The following TRAK1 variants were observed in gnomAD, a reference collection of about 807,000 sequenced individuals.
TRAK1 encodes the protein trafficking kinesin protein 1.
A neutral mutation model predicts 92.1 loss-of-function variants in TRAK1; 33 were observed. The ratio of observed to expected loss-of-function variants is 0.36; its 90% confidence interval spans 0.27 to 0.48. TRAK1 has a LOEUF of 0.48. TRAK1 is among the 20% of genes least tolerant of loss of function. The pLI, the probability that TRAK1 is intolerant of heterozygous loss-of-function variation, is 0.99. For synonymous variants in TRAK1, 521 were observed against 517.3 expected, an observed-to-expected ratio of 1.01 and a Z score of -0.10; for missense variants, 1,123 against 1,257.9, an observed-to-expected ratio of 0.89 and a Z score of 1.62.
Position 42,182,951 on chromosome 3 carries a change from A to T in TRAK1, c.364-1734A>T, listed in dbSNP as rs181866229. ...CACCTTTACTCTACCTTCATTTAAC[A>T]GTTGAGGGAACCTATGTTCAAGTAG... On this transcript the variant is annotated intron_variant, in intron 3 of 15. Coordinates refer to ENST00000327628, the MANE Select transcript of TRAK1 (RefSeq NM_001042646.3). Among the ~76,000 whole-genome samples, 4 of 152,288 alleles carry T rather than the reference A, an allele frequency of 2.6e-5. No homozygotes were observed. The East Asian group carries it at 7.7e-4, about 29-fold the overall frequency.
chr3:42,055,695 T>A (rs1186601664), intron 1 of TRAK1, among the ~76,000 whole-genome samples: 2 of 152,164 alleles, frequency 1.3e-5, no homozygotes, highest in African/African-American at 4.8e-5. Context: ...AACTCCTGGC[T>A]TCAAGCGATC....
At chr3:42,200,790 A>G (rs1300353909) in intron 11 of TRAK1, 28 bp from the exon 12 acceptor site, 1 of 1,611,014 alleles carries the variant, frequency 6.2e-7, no homozygotes, top group African/African-American at 1.3e-5. Flanking sequence ...GCATTTGCTC[A>G]CTCACGGATG....
chr3:42,056,122 GT>G (rs1703196448), intron 1 of TRAK1, among the ~76,000 whole-genome samples: 1 of 152,068 alleles, frequency 6.6e-6, no homozygotes, highest in African/African-American at 2.4e-5. Context: ...TTTGGCTATT[GT>G]GAATAATGTT....
At chr3:42,046,924 T>C (rs2148908710) in intron 1 of TRAK1, among the ~76,000 whole-genome samples, 1 of 152,332 alleles carries the variant, frequency 6.6e-6, no homozygotes, top group Admixed American at 6.5e-5. Flanking sequence ...CTGAAATTAT[T>C]ATTTTTTAAA....
chr3:42,195,195 A>G (rs73831709), intron 10 of TRAK1, among the ~76,000 whole-genome samples: 8,411 of 152,272 alleles, frequency 0.055, 231 homozygotes, highest in Middle Eastern at 0.075. Flanking sequence ...ATTTAGTAGG[A>G]ACTTGCTTTA....
intron 2 of TRAK1, among the ~76,000 whole-genome samples, chr3:42,138,236 TTTC>T (rs1367405344): frequency 2.6e-5 from 4 of 152,200 alleles, no homozygotes; most frequent in African/African-American, 9.7e-5. Flanking sequence ...ACACAGGACT[TTTC>T]TTGTTAAGAT....
intron 14 of TRAK1, chr3:42,210,676 A>G (rs746111972): frequency 1.1e-5 from 11 of 992,806 alleles, no homozygotes; most frequent in South Asian, 9.3e-5. Context: ...CCCAGCTTCA[A>G]TGGAGGTATA....
chr3:42,189,586 G>A (rs1705381308), intron 6 of TRAK1, among the ~76,000 whole-genome samples: 1 of 152,014 alleles, frequency 6.6e-6, no homozygotes, highest in Non-Finnish European at 1.5e-5. Flanking sequence ...AGGCTGGAGT[G>A]CAGTGGTGCG....
intron 1 of TRAK1, among the ~76,000 whole-genome samples, chr3:42,110,980 A>G (rs1245193586): frequency 1.3e-5 from 2 of 152,144 alleles, no homozygotes; most frequent in Non-Finnish European, 2.9e-5. Context: ...GACTGCTGGT[A>G]ATCAATCACT....
chr3:42,022,668 G>A (rs1168166671), intron 1 of TRAK1, among the ~76,000 whole-genome samples: 1 of 151,580 alleles, frequency 6.6e-6, no homozygotes, highest in Non-Finnish European at 1.5e-5. Context: ...GTTGCAGTGA[G>A]CCATGATTAC....
intron 1 of TRAK1, among the ~76,000 whole-genome samples, chr3:42,056,193 G>A (rs1703197751): frequency 6.6e-6 from 1 of 151,984 alleles, no homozygotes; most frequent in Admixed American, 6.6e-5. Context: ...TCTTTATGTT[G>A]ATACCTATGA....
chr3:42,217,503 T>C lies in TRAK1; in HGVS notation c.1964-1991T>C, dbSNP rs1454546663. 20 of 985,284 alleles carry C rather than the reference T, an allele frequency of 2.0e-5. No individual in the cohort carries two copies. In the Admixed American group the frequency reaches 2.5e-4, roughly 12 times the overall value. The allele number at this position is 985,284 out of a possible 1,614,324, so 61.0% of individuals were successfully genotyped here. On this transcript the variant is annotated intron_variant, in intron 14 of 15. Coordinates refer to ENST00000327628, the MANE Select transcript of TRAK1 (RefSeq NM_001042646.3). ...TGCTGATGCAACTACGTCTCTAAAA[T>C]GTCCATCTTACACTCCCTATTGCAA...
At chr3:42,016,537 C>T (rs188938838) in intron 1 of TRAK1, among the ~76,000 whole-genome samples, 1 of 152,306 alleles carries the variant, frequency 6.6e-6, no homozygotes, top group African/African-American at 2.4e-5. Flanking sequence ...CTGCCTCTGA[C>T]CTTGTATATA....
Position 42,160,196 on chromosome 3 carries a change from T to A in TRAK1, c.287-16618T>A, listed in dbSNP as rs935045913. The A allele has an allele frequency of 4.9e-6, 7 of 1,414,608 alleles. No individual in the cohort carries two copies. In the African/African-American group the frequency reaches 8.7e-5, roughly 18 times the overall value. 87.6% of individuals were successfully genotyped at this position (1,414,608 alleles called of 1,614,324 possible). A position where few individuals can be genotyped will look rare whatever the true frequency, so the allele number is the denominator to read the frequency against. On this transcript the variant is annotated intron_variant, in intron 2 of 15. Coordinates refer to ENST00000327628, the MANE Select transcript of TRAK1 (RefSeq NM_001042646.3). ...GTGATGCTGGGCCAGGAGCTTTGTG[T>A]ACACCCCTCCACTTCAGCTGAGCCA... is the stretch of plus-strand genomic sequence containing the variant.
At chr3:42,113,478 C>T (rs1329243783) in intron 1 of TRAK1, among the ~76,000 whole-genome samples, 1 of 151,110 alleles carries the variant, frequency 6.6e-6, no homozygotes, top group Non-Finnish European at 1.5e-5. Context: ...GGCTGGAGCG[C>T]AGTGGCATGA....
chr3:42,121,658 G>C (rs1709894238), intron 1 of TRAK1, among the ~76,000 whole-genome samples: 1 of 152,182 alleles, frequency 6.6e-6, no homozygotes, highest in South Asian at 2.1e-4. Flanking sequence ...CTTCCATAGG[G>C]GGTCTGTGGG....
At chr3:42,149,452 G>A (rs1699704632) in intron 2 of TRAK1, 2 of 1,530,250 alleles carry the variant, frequency 1.3e-6, no homozygotes, top group South Asian at 2.4e-5. Flanking sequence ...CCAGTATTCT[G>A]GAAGGGCGGG....
chr3:42,184,512 G>A (rs1704500575), intron 3 of TRAK1, among the ~76,000 whole-genome samples, 173 bp from the exon 4 acceptor site: 1 of 152,086 alleles, frequency 6.6e-6, no homozygotes, highest in South Asian at 2.1e-4. Context: ...ACACTATGTG[G>A]GCAGAGGTTA....
At position 42,224,104 on chromosome 3, in the gene TRAK1, A is replaced by T. The variant is rs187148600; in HGVS notation, c.*367A>T. The T allele has an allele frequency of 8.5e-6, 4 of 468,882 alleles. No homozygotes were observed. In the East Asian group the frequency reaches 2.6e-4, roughly 31 times the overall value. The allele number at this position is 468,882 out of a possible 1,614,324, so 29.0% of individuals were successfully genotyped here. On this transcript the variant is annotated 3_prime_UTR_variant, in exon 16 of 16. Transcript: ENST00000327628. ...TGTGTTCTTATCCCATGGATAGGAA[A>T]CCAGTGAATTCCGTGGCTGGCACAC...
Sources: gnomAD v4.1 joint callset for allele counts (sites outside exome capture counted in the v4.1 genomes callset) on GRCh38, gnomAD v4.1.1 for gene constraint, MANE v1.5 for transcripts, NCBI Gene and HGNC (gene_info 2026-07-23, HGNC 2026-07-21) for gene names.